Variants in VSIG4 observed in about 807,000 individuals in gnomAD.
The protein encoded by VSIG4 is V-set and immunoglobulin domain containing 4, also known as V-set and immunoglobulin domain-containing protein 4.
VSIG4 carries 34 observed loss-of-function variants against 23.4 expected under a neutral mutation model. The observed-to-expected ratio is 1.45, with a 90% CI of 1.10 to 1.93. VSIG4 has a LOEUF of 1.93. Ranked by LOEUF, VSIG4 falls within the 30% of genes most tolerant of loss-of-function variation. The probability of loss-of-function intolerance (pLI) is 0.00; values close to 1 mark genes in which losing one functional copy is unlikely to be tolerated. For synonymous variants in VSIG4, 169 were observed against 120.3 expected, an observed-to-expected ratio of 1.41 and a Z score of -2.65; for missense variants, 433 against 310.8, an observed-to-expected ratio of 1.39 and a Z score of -2.96.
At chrX:66,034,071 T>G (rs1433645417) in intron 1 of VSIG4, among the ~76,000 whole-genome samples, 2 of 111,970 alleles carry the variant, frequency 1.8e-5, no homozygotes, top group African/African-American at 3.3e-5. Flanking sequence ...CTTTTTATGT[T>G]ACTGTCTTGC....
chrX:66,033,687 T>C lies in VSIG4; in HGVS notation c.199A>G (p.Ile67Val), dbSNP rs2085493420. Reference protein sequence around the residue: ...LVQRGSDPVTIFLRDSSGDHI... With the variant: ...LVQRGSDPVTVFLRDSSGDHI... Reference sequence around the variant, plus strand: ...TCTCCAGAAGAGTCACGTAGAAAGATGGTGACAGGGTCTGAGCCACGTTGT... The same window carrying C: ...TCTCCAGAAGAGTCACGTAGAAAGACGGTGACAGGGTCTGAGCCACGTTGT... The change falls in exon 2 of 8, where the codon ATC becomes GTC. Residue 67 changes from isoleucine to valine, a missense_variant. Ile to Val is a conservative substitution (Grantham distance 29). Transcript: ENST00000374737. 2.5e-6 allele frequency: 3 copies of C among 1,211,520 alleles called. No individual in the cohort carries two copies. Among genetic ancestry groups the C allele is most frequent in the Non-Finnish European group, 3.4e-6 (3 of 895,432 alleles).
chrX:66,022,745 G>T (rs1602094270), intron 7 of VSIG4, 96 bp downstream of exon 7: 1 of 1,201,730 alleles, frequency 8.3e-7, no homozygotes, highest in South Asian at 1.8e-5. Context: ...TTAGGATTGG[G>T]TCTGTGCCAC....
intron 3 of VSIG4, among the ~76,000 whole-genome samples, chrX:66,029,101 C>T (rs1441624995): frequency 9.0e-6 from 1 of 111,249 alleles, no homozygotes; most frequent in Non-Finnish European, 1.9e-5. Context: ...TAAGCTTCTC[C>T]CTCTTGCTAG....
At position 66,022,097 on chromosome X, in the gene VSIG4, C is replaced by A; in HGVS notation, c.*166G>T. 8.5e-7 allele frequency: 1 copy of A among 1,170,246 alleles called. No homozygotes were observed. Among genetic ancestry groups the A allele is most frequent in the Non-Finnish European group, 1.1e-6 (1 of 874,472 alleles). ...TCCAGCAGCTGGCTTACTTGAGATG[C>A]ATCTGGCAAATTCCAGGGCAAAGCC... On this transcript the variant is annotated 3_prime_UTR_variant, in exon 8 of 8. Transcript: ENST00000374737.
rs1395570205 is a variant in VSIG4 at position 66,032,681 on chromosome X, T to A, written c.481A>T (p.Ile161Phe). ...YGFTVPQGMR[I>F]SLQCQARGSP... ...CCCCGAGCCTGGCATTGAAGGCTAA[T>A]CCTCATTCCCTGGGGCACCGTGAAG... The change falls in exon 3 of 8, where the codon ATT becomes TTT. Residue 161 changes from isoleucine to phenylalanine, a missense_variant. Transcript: ENST00000374737. The A allele has an allele frequency of 8.3e-7, 1 of 1,209,641 alleles. No homozygotes were observed. Among genetic ancestry groups the A allele is most frequent in the Admixed American group, 2.2e-5 (1 of 45,717 alleles).
intron 1 of VSIG4, among the ~76,000 whole-genome samples, chrX:66,037,377 A>G (rs1245259187): frequency 2.9e-4 from 9 of 31,041 alleles, no homozygotes; most frequent in Non-Finnish European, 4.2e-4. Flanking sequence ...AATATAATAT[A>G]ATATATAATA....
chrX:66,037,368 A>T (rs1175163766), intron 1 of VSIG4, among the ~76,000 whole-genome samples: 1 of 5,832 alleles, frequency 1.7e-4, no homozygotes, highest in Non-Finnish European at 2.2e-4. Context: ...TTATATAATA[A>T]TATAATATAA....
At chrX:66,022,892 G>A (rs1373062433) in intron 6 of VSIG4, 30 bp from the exon 7 acceptor site, 3 of 1,202,732 alleles carry the variant, frequency 2.5e-6, no homozygotes, top group Admixed American at 4.4e-5. Context: ...CATGTCAGAA[G>A]TTTTCATGGC....
At chrX:66,035,305 A>G in intron 1 of VSIG4, among the ~76,000 whole-genome samples, 1 of 112,082 alleles carries the variant, frequency 8.9e-6, no homozygotes, top group East Asian at 2.8e-4. Context: ...AGAGGGGCAG[A>G]TTTTGGTTTG....
At chrX:66,025,860 A>G (rs2085384130) in intron 5 of VSIG4, among the ~76,000 whole-genome samples, 1 of 112,467 alleles carries the variant, frequency 8.9e-6, no homozygotes, top group African/African-American at 3.2e-5. Context: ...AAGCCAGAAA[A>G]GAAAGACAAG....
At position 66,040,049 on chromosome X, in the gene VSIG4, G is replaced by T; in HGVS notation, c.-51C>A. 8.4e-7 allele frequency: 1 copy of T among 1,185,150 alleles called. No individual in the cohort carries two copies. Among genetic ancestry groups the T allele is most frequent in the Non-Finnish European group, 1.1e-6 (1 of 872,443 alleles). On this transcript the variant is annotated 5_prime_UTR_variant, in exon 1 of 8. Transcript: ENST00000374737. Reference sequence around the variant, plus strand: ...TCTTCCAGCCTCCTGCTACCAAAGAGGCTCAAACTTCTGGTGGCCGCCAGC... The same window carrying T: ...TCTTCCAGCCTCCTGCTACCAAAGATGCTCAAACTTCTGGTGGCCGCCAGC...
chrX:66,036,631 T>C (rs1335727084), intron 1 of VSIG4, among the ~76,000 whole-genome samples: 2 of 74,532 alleles, frequency 2.7e-5, no homozygotes, highest in Non-Finnish European at 2.4e-5. Context: ...ATATTTATAA[T>C]ATAGATAATA....
intron 2 of VSIG4, 76 bp downstream of exon 2, chrX:66,033,398 T>C: frequency 1.0e-6 from 1 of 984,291 alleles, no homozygotes; most frequent in Non-Finnish European, 1.4e-6. Flanking sequence ...CCTCTGGATT[T>C]TTCAGGCTTT....
intron 1 of VSIG4, among the ~76,000 whole-genome samples, chrX:66,037,568 CTTA>C (rs1275875515): frequency 9.7e-5 from 3 of 30,993 alleles, no homozygotes; most frequent in African/African-American, 1.5e-4. Flanking sequence ...TATTTATATA[CTTA>C]TTATATTATA....
At chrX:66,037,710 G>GATAAGTATATATACTTATTACTA in intron 1 of VSIG4, among the ~76,000 whole-genome samples, 1 of 88,183 alleles carries the variant, frequency 1.1e-5, no homozygotes, top group Admixed American at 1.5e-4. Flanking sequence ...ACTTATTACT[G>GATAAGTATATATACTTATTACTA]ATAAGTATAT....
intron 3 of VSIG4, 87 bp downstream of exon 3, chrX:66,032,381 T>A (rs746356066): frequency 3.3e-4 from 365 of 1,091,584 alleles, no homozygotes; most frequent in Non-Finnish European, 4.3e-4. Flanking sequence ...CCTCTCCCAA[T>A]TCTTCTTTTG....
intron 5 of VSIG4, among the ~76,000 whole-genome samples, chrX:66,026,059 T>C (rs2085386728): frequency 8.9e-6 from 1 of 112,157 alleles, no homozygotes; most frequent in African/African-American, 3.2e-5. Flanking sequence ...ACAGTGACCT[T>C]AGACAAAACT....
intron 1 of VSIG4, 61 bp from the exon 2 acceptor site, chrX:66,033,891 G>A (rs1199297838): frequency 1.0e-6 from 1 of 953,173 alleles, no homozygotes; most frequent in African/African-American, 1.9e-5. Context: ...TGGCAACTAA[G>A]GTGACAGTGA....
At chrX:66,028,630 T>C (rs1338507548) in intron 3 of VSIG4, among the ~76,000 whole-genome samples, 2 of 105,628 alleles carry the variant, frequency 1.9e-5, no homozygotes, top group Non-Finnish European at 3.9e-5. Flanking sequence ...TTAGACAGGA[T>C]TTATGGAAGA....
Sources: gnomAD v4.1 joint callset for allele counts (sites outside exome capture counted in the v4.1 genomes callset) on GRCh38, gnomAD v4.1.1 for gene constraint, MANE v1.5 for transcripts, NCBI Gene and HGNC (gene_info 2026-07-23, HGNC 2026-07-21) for gene names.